MYH4: variants seen among roughly 807,000 people sequenced by gnomAD.
MYH4 encodes myosin heavy chain 4.
A neutral mutation model predicts 229.9 loss-of-function variants in MYH4; 200 were observed. That is an observed-to-expected ratio of 0.87 (90% CI 0.78 to 0.98). The LOEUF (loss-of-function observed/expected upper bound fraction) is 0.98, where lower values mean the gene tolerates loss of function less well. Among genes scored for constraint, MYH4 ranks in the 50% least tolerant of loss-of-function variants. MYH4 has a pLI of 0.00. For missense variants in MYH4, 2,148 were observed against 2,332.6 expected, an observed-to-expected ratio of 0.92 and a Z score of 1.63; for synonymous variants, 761 against 834.6, an observed-to-expected ratio of 0.91 and a Z score of 1.52.
chr17:10,452,859 T>C lies in MYH4; in HGVS notation c.3185A>G (p.Asp1062Gly), dbSNP rs1276748776. 6.2e-7 allele frequency: 1 copy of C among 1,609,318 alleles called. No individual in the cohort carries two copies. The highest frequency in any genetic ancestry group is 8.5e-7 in the Non-Finnish European group (1 of 1,179,240). ...LERAKRKLEG[D>G]LKLAQESTMD... ...TGTGGATTCTTGGGCCAATTTTAGG[T>C]CACCCTCCAGTTTTCTCTTGGCTCT... Residue 1062 changes from aspartate (D) to glycine (G), a missense_variant, in exon 25 of 40, where the codon GAC becomes GGC. Transcript: ENST00000255381.
rs181141045 is a variant in MYH4, at chr17:10,446,624, G to A, written c.5169+389C>T. Among the ~76,000 whole-genome samples the A allele has an allele frequency of 1.3e-3, 192 of 152,300 alleles. 1 individual carries two copies. Among genetic ancestry groups the A allele is most frequent in the East Asian group, 0.012 (60 of 5,192 alleles). On this transcript the variant is annotated intron_variant, in intron 35 of 39. Coordinates refer to ENST00000255381, the MANE Select transcript of MYH4 (RefSeq NM_017533.2). ...CTTCTCTTTGTATCCCATGAGGTTA[G>A]CATTCTGTGCATATGTGATACGTAA...
At position 10,464,471 on chromosome 17, in the gene MYH4, C is replaced by T; in HGVS notation, c.648+1G>A. On this transcript the variant is annotated splice_donor_variant, in intron 7 of 39. Coordinates refer to ENST00000255381, the MANE Select transcript of MYH4 (RefSeq NM_017533.2). LOFTEE classifies it high-confidence loss of function. ...TGTCCTTAGATGAATATCATGCCCA[C>T]CTGCATTTTGCCAGAGGCAGGTTCC... 1 of 1,611,986 alleles carries T rather than the reference C, an allele frequency of 6.2e-7. No homozygotes were observed. The highest frequency in any genetic ancestry group is 8.5e-7 in the Non-Finnish European group (1 of 1,178,930).
chr17:10,460,269 T>C lies in MYH4; in HGVS notation c.1200A>G (p.Lys400=). 3 of 1,614,078 alleles carry C rather than the reference T, an allele frequency of 1.9e-6. No individual in the cohort carries two copies. Among genetic ancestry groups the C allele is most frequent in the Non-Finnish European group, 2.5e-6 (3 of 1,179,918 alleles). Residue 400 remains lysine (K), a synonymous_variant, in exon 13 of 40, where the codon AAA becomes AAG. Transcript: ENST00000255381. ...CCTTGACTCTGGGATAGCAGAGAGA[T>C]TTGAGCAGGTCAGCAGAGTTCAGAC... The part of the protein sequence containing the change: ...LTSLNSADLL[K]SLCYPRVKVG...
chr17:10,454,093 C>A (rs1275209884), intron 22 of MYH4, among the ~76,000 whole-genome samples: 1 of 152,206 alleles, frequency 6.6e-6, no homozygotes, highest in East Asian at 1.9e-4. Context: ...TCATGTGTGG[C>A]AGGCCAAATC....
intron 8 of MYH4, 72 bp from the exon 9 acceptor site, chr17:10,463,473 A>G: frequency 6.3e-7 from 1 of 1,578,080 alleles, no homozygotes; most frequent in South Asian, 1.1e-5. Context: ...TGGACCAAAC[A>G]GGTGGAAAAA....
At position 10,462,937 on chromosome 17, in the gene MYH4, G is replaced by A; in HGVS notation, c.936C>T (p.Asp312=). The part of the protein sequence containing the change: ...EMLLITTNPY[D]FAFVSQGEIT... Reference sequence around the variant, plus strand: ...TTTCCCCTTGGCTGACAAATGCGAAGTCATATGGGTTGGTGGTGATCAGAA... The same window carrying A: ...TTTCCCCTTGGCTGACAAATGCGAAATCATATGGGTTGGTGGTGATCAGAA... Residue 312 remains aspartate (D), a synonymous_variant, in exon 11 of 40, where the codon GAC becomes GAT. Coordinates refer to ENST00000255381, the MANE Select transcript of MYH4 (RefSeq NM_017533.2). The A allele has an allele frequency of 6.2e-7, 1 of 1,614,098 alleles. No individual in the cohort carries two copies. The highest frequency in any genetic ancestry group is 8.5e-7 in the Non-Finnish European group (1 of 1,179,970).
Position 10,453,783 on chromosome 17 carries a change from C to T in MYH4, c.2794G>A (p.Asp932Asn). The part of the protein sequence containing the change: ...KIKEVTERAE[D>N]EEEINAELTA... ...AGCTCAGCATTGATCTCTTCCTCAT[C>T]CTCAGCTCTTTCAGTTACCTCTTTG... Residue 932 changes from aspartate (D) to asparagine (N), a missense_variant, in exon 23 of 40, where the codon GAT becomes AAT. Physicochemically the swap from Asp to Asn is conservative, Grantham distance 23. Transcript: ENST00000255381. The T allele has an allele frequency of 6.2e-7, 1 of 1,614,080 alleles. No homozygotes were observed. The highest frequency in any genetic ancestry group is 8.5e-7 in the Non-Finnish European group (1 of 1,179,998).
At chr17:10,451,819 G>A in intron 27 of MYH4, 122 bp downstream of exon 27, 1 of 1,248,112 alleles carries the variant, frequency 8.0e-7, no homozygotes, top group South Asian at 1.5e-5. Flanking sequence ...TGTACTAGGA[G>A]TAAGTTTAAG....
At chr17:10,466,017 G>A (rs113473745) in intron 4 of MYH4, among the ~76,000 whole-genome samples, 5 of 151,708 alleles carry the variant, frequency 3.3e-5, no homozygotes, top group South Asian at 2.1e-4. Context: ...CTCGTGATCC[G>A]CCCGCCTCGG....
rs1567706576 is a variant in MYH4, at chr17:10,463,553, A to T, written c.739T>A (p.Phe247Ile). The T allele has an allele frequency of 6.2e-7, 1 of 1,611,474 alleles. No individual in the cohort carries two copies. The highest frequency in any genetic ancestry group is 8.5e-7 in the Non-Finnish European group (1 of 1,177,578). ...AAAATGAAGATCAAGAGACTTACAAAGCGAGAGGAGTTGTCATTCCTCACG... is the reference window on the plus strand; with the variant it reads ...AAAATGAAGATCAAGAGACTTACAATGCGAGAGGAGTTGTCATTCCTCACG... Reference protein sequence around the residue: ...KTVRNDNSSRFGKFIRIHFGA... With the variant: ...KTVRNDNSSRIGKFIRIHFGA... The change falls in exon 8 of 40, where the codon TTT becomes ATT. Residue 247 changes from phenylalanine (F) to isoleucine (I), a missense_variant and splice_region_variant. By Grantham distance (21) the Phe-to-Ile change is conservative. Coordinates refer to ENST00000255381, the MANE Select transcript of MYH4 (RefSeq NM_017533.2).
At position 10,451,350 on chromosome 17, in the gene MYH4, T is replaced by C; in HGVS notation, c.3841A>G (p.Lys1281Glu). Reference protein sequence around the residue: ...QRLINELSAQKARLHTESGEF... With the variant: ...QRLINELSAQEARLHTESGEF... ...CCTGATTCTGTGTGTAAACGTGCCT[T>C]CTGGGCTGACAACTCATTTATTAAG... Residue 1281 changes from lysine (K) to glutamate (E), a missense_variant, in exon 28 of 40, where the codon AAG becomes GAG. Coordinates refer to ENST00000255381, the MANE Select transcript of MYH4 (RefSeq NM_017533.2). 3.7e-6 allele frequency: 6 copies of C among 1,614,054 alleles called. No homozygotes were observed. The highest frequency in any genetic ancestry group is 5.1e-6 in the Non-Finnish European group (6 of 1,179,986).
chr17:10,459,079 T>G (rs1036027303), intron 15 of MYH4, among the ~76,000 whole-genome samples, 172 bp downstream of exon 15: 2 of 152,196 alleles, frequency 1.3e-5, no homozygotes, highest in Admixed American at 1.3e-4. Context: ...TTCTACAAAC[T>G]GCTCTACTTA....
rs903237139 is a variant in MYH4 at position 10,455,726 on chromosome 17, T to C, written c.2062A>G (p.Met688Val). 1 of 1,614,068 alleles carries C rather than the reference T, an allele frequency of 6.2e-7. No individual in the cohort carries two copies. Among genetic ancestry groups the C allele is most frequent in the African/African-American group, 1.3e-5 (1 of 74,922 alleles). ...TGATGCAGGACAAGCTCATGCTCCA[T>C]GGCACCTAAGAGAATGAATCCACAT... is the stretch of plus-strand genomic sequence containing the variant. ...IPNETKTPGA[M>V]EHELVLHQLR... is the part of the protein sequence containing the mutation. The change falls in exon 19 of 40, where the codon ATG becomes GTG. Residue 688 changes from methionine (M) to valine (V), a missense_variant. Physicochemically the swap from Met to Val is conservative, Grantham distance 21. Coordinates refer to ENST00000255381, the MANE Select transcript of MYH4 (RefSeq NM_017533.2).
chr17:10,455,190 G>C lies in MYH4; in HGVS notation c.2280C>G (p.Tyr760Ter), dbSNP rs761874607. The change falls in exon 20 of 40, where the codon TAC (tyrosine) becomes TAG (stop). Residue 760 changes from tyrosine to a stop codon, truncating the protein, a stop_gained. Coordinates refer to ENST00000255381, the MANE Select transcript of MYH4 (RefSeq NM_017533.2). LOFTEE classifies it high-confidence loss of function. Reference sequence around the variant, plus strand: ...GTGATACCTTGGTATGACCGAATTTGTACTGGGTGTGGTCAATTTCAATAG... The same window carrying C: ...GTGATACCTTGGTATGACCGAATTTCTACTGGGTGTGGTCAATTTCAATAG... ...LGSIEIDHTQYKFGHTKVFFK... is the reference protein window; with the variant it reads ...LGSIEIDHTQ 1 of 1,614,090 alleles carries C rather than the reference G, an allele frequency of 6.2e-7. No individual in the cohort carries two copies. Among genetic ancestry groups the C allele is most frequent in the African/African-American group, 1.3e-5 (1 of 74,936 alleles).
intron 35 of MYH4, 97 bp downstream of exon 35, chr17:10,446,916 G>A (rs989957787): frequency 2.3e-6 from 3 of 1,279,956 alleles, no homozygotes; most frequent in African/African-American, 2.9e-5. Context: ...TCCAGGAAGG[G>A]ACGAAGATTA....
chr17:10,455,300 C>A lies in MYH4; in HGVS notation c.2175-5G>T, dbSNP rs1298386506. 2 of 1,607,012 alleles carry A rather than the reference C, an allele frequency of 1.2e-6. No individual in the cohort carries two copies. The highest frequency in any genetic ancestry group is 1.7e-6 in the Non-Finnish European group (2 of 1,177,916). ...CTCGCATTTAGAACCTTGTATCTGT[C>A]AGAATAAAAAGAATATAAAAATGTG... On this transcript the variant is annotated splice_polypyrimidine_tract_variant and splice_region_variant and intron_variant, in intron 19 of 39. Coordinates refer to ENST00000255381, the MANE Select transcript of MYH4 (RefSeq NM_017533.2).
chr17:10,456,432 T>G, intron 17 of MYH4, 53 bp downstream of exon 17: 1 of 1,453,016 alleles, frequency 6.9e-7, no homozygotes. Flanking sequence ...TCTGTTTTGA[T>G]GGTTTAGTTT....
Position 10,455,034 on chromosome 17 carries a change from C to T in MYH4, c.2342G>A (p.Arg781Gln), listed in dbSNP as rs749993136. The T allele has an allele frequency of 3.1e-5, 50 of 1,614,068 alleles. No homozygotes were observed. Among genetic ancestry groups the T allele is most frequent in the Admixed American group, 2.8e-4 (17 of 59,994 alleles). Residue 781 changes from arginine to glutamine, a missense_variant, in exon 21 of 40, where the codon CGA becomes CAA. Arg to Gln is a conservative substitution (Grantham distance 43, BLOSUM62 1). Transcript: ENST00000255381. ...AGLLGTLEEMRDEKLAQLITR... is the reference protein window; with the variant it reads ...AGLLGTLEEMQDEKLAQLITR... ...GATGAGTTGAGCTAGCTTTTCATCT[C>T]GCATTTCCTCTAGAGTTCCCAGCAG...
rs964617545 is a variant in MYH4 at position 10,450,706 on chromosome 17, T to C, written c.3985-57A>G. 2.5e-6 allele frequency: 4 copies of C among 1,610,130 alleles called. No homozygotes were observed. The African/African-American group carries it at 5.3e-5, about 22-fold the overall frequency. ...TTATCTTCTGATCATTGAAATTCTCTATGCAAAGTTCAATAGTGTGTTATG... is the reference window on the plus strand; with the variant it reads ...TTATCTTCTGATCATTGAAATTCTCCATGCAAAGTTCAATAGTGTGTTATG... On this transcript the variant is annotated intron_variant, in intron 29 of 39. Coordinates refer to ENST00000255381, the MANE Select transcript of MYH4 (RefSeq NM_017533.2).
Sources: allele counts gnomAD v4.1 joint callset (sites outside exome capture counted in the v4.1 genomes callset), GRCh38; gene constraint gnomAD v4.1.1; transcripts MANE v1.5; gene names NCBI Gene and HGNC (gene_info 2026-07-23, HGNC 2026-07-21).